The following CCSER1 variants were observed in gnomAD, a reference collection of about 807,000 sequenced individuals.
The protein encoded by CCSER1 is coiled-coil serine rich protein 1.
CCSER1 carries 41 observed loss-of-function variants against 82.0 expected under a neutral mutation model. The ratio of observed to expected loss-of-function variants is 0.50; its 90% CI spans 0.39 to 0.65. The LOEUF is 0.65. Among genes scored for constraint, CCSER1 ranks in the 30% least tolerant of loss-of-function variants. The pLI is 0.00. For synonymous variants in CCSER1, 414 were observed against 383.9 expected (o/e 1.08, Z -0.92); for missense variants, 1,119 against 1,064.2 (o/e 1.05, Z -0.72).
intron 4 of CCSER1, among the ~76,000 whole-genome samples, chr4:90,467,323 G>T (rs1455048762): frequency 6.6e-6 from 1 of 152,022 alleles, no homozygotes; most frequent in Non-Finnish European, 1.5e-5. Context: ...GGCAGAGGTT[G>T]TGTTGAGCTG....
At chr4:91,591,372 G>T (rs1764263688) in intron 10 of CCSER1, among the ~76,000 whole-genome samples, 1 of 151,852 alleles carries the variant, frequency 6.6e-6, no homozygotes, top group African/African-American at 2.4e-5. Flanking sequence ...TCACAGCATT[G>T]CATGTTTCTA....
chr4:90,596,115 T>TG (rs1783300913), intron 5 of CCSER1, among the ~76,000 whole-genome samples: 1 of 151,924 alleles, frequency 6.6e-6, no homozygotes, highest in African/African-American at 2.4e-5. Flanking sequence ...ATTTTGAATA[T>TG]CGCTTAGGTA....
chr4:91,091,106 A>G (rs1373523243), intron 10 of CCSER1, among the ~76,000 whole-genome samples: 1 of 152,194 alleles, frequency 6.6e-6, no homozygotes, highest in Non-Finnish European at 1.5e-5. Flanking sequence ...TCGGTCATGT[A>G]TCTTTTTTCC....
At chr4:90,270,276 G>T (rs1205140631) in intron 1 of CCSER1, among the ~76,000 whole-genome samples, 1 of 152,012 alleles carries the variant, frequency 6.6e-6, no homozygotes, top group Non-Finnish European at 1.5e-5. Flanking sequence ...ACAAATACTA[G>T]CAAACTGAAT....
intron 3 of CCSER1, among the ~76,000 whole-genome samples, chr4:90,375,004 C>T (rs1489332195): frequency 6.6e-6 from 1 of 152,172 alleles, no homozygotes; most frequent in East Asian, 1.9e-4. Flanking sequence ...AATTCTCACT[C>T]TACTCCCTTC....
chr4:90,284,228 T>G (rs1166206418), intron 1 of CCSER1, among the ~76,000 whole-genome samples: 1 of 152,146 alleles, frequency 6.6e-6, no homozygotes, highest in Admixed American at 6.6e-5. Flanking sequence ...TATTAGTCCC[T>G]TGTCATATGG....
chr4:91,453,832 A>G (rs1268836199), intron 10 of CCSER1, among the ~76,000 whole-genome samples: 1 of 152,086 alleles, frequency 6.6e-6, no homozygotes, highest in Non-Finnish European at 1.5e-5. Flanking sequence ...ACATATTTTC[A>G]TCTGGTGATA....
chr4:90,196,654 G>GAGACACACACACACAC (rs1736671884), intron 1 of CCSER1, among the ~76,000 whole-genome samples: 1 of 25,878 alleles, frequency 3.9e-5, no homozygotes, highest in Non-Finnish European at 6.6e-5. Context: ...TTCCTGCTCA[G>GAGACACACACACACAC]ATACACACAC....
chr4:90,908,474 T>G (rs982621133), intron 8 of CCSER1, among the ~76,000 whole-genome samples: 38 of 152,146 alleles, frequency 2.5e-4, no homozygotes, highest in African/African-American at 8.7e-4. Flanking sequence ...TTAATTTTTA[T>G]TATATAAACC....
intron 9 of CCSER1, among the ~76,000 whole-genome samples, chr4:91,070,488 C>T (rs1721315602): frequency 6.6e-6 from 1 of 152,164 alleles, no homozygotes; most frequent in Non-Finnish European, 1.5e-5. Flanking sequence ...GGGTCCCTAA[C>T]CCCCAGGCCA....
intron 7 of CCSER1, among the ~76,000 whole-genome samples, chr4:90,752,293 C>A (rs1448970442): frequency 3.3e-5 from 5 of 152,070 alleles, no homozygotes; most frequent in African/African-American, 9.7e-5. Flanking sequence ...TGCTATGCTA[C>A]TTCTCTAATA....
At chr4:91,457,371 T>C (rs1336363074) in intron 10 of CCSER1, among the ~76,000 whole-genome samples, 3 of 152,074 alleles carry the variant, frequency 2.0e-5, no homozygotes, top group Non-Finnish European at 2.9e-5. Context: ...GACATTTTCT[T>C]TAAAATTTTA....
At chr4:91,187,563 A>AT (rs1734665330) in intron 10 of CCSER1, among the ~76,000 whole-genome samples, 1 of 149,246 alleles carries the variant, frequency 6.7e-6, no homozygotes, top group Non-Finnish European at 1.5e-5. Flanking sequence ...TTAATTTTTT[A>AT]TTTTTGAGAC....
chr4:91,431,207 G>C (rs1754287065), intron 10 of CCSER1, among the ~76,000 whole-genome samples: 1 of 152,172 alleles, frequency 6.6e-6, no homozygotes, highest in Non-Finnish European at 1.5e-5. Flanking sequence ...ATGCACTCCA[G>C]TCTGGGCAAC....
At chr4:90,719,282 T>C (rs1446633768) in intron 6 of CCSER1, among the ~76,000 whole-genome samples, 2 of 152,082 alleles carry the variant, frequency 1.3e-5, no homozygotes, top group African/African-American at 4.8e-5. Flanking sequence ...TTCTAATGCC[T>C]GATGCTGTGT....
intron 8 of CCSER1, among the ~76,000 whole-genome samples, chr4:90,913,479 C>T (rs943353002): frequency 3.3e-5 from 5 of 152,114 alleles, no homozygotes; most frequent in African/African-American, 1.2e-4. Flanking sequence ...CCTACGAGAG[C>T]TCCTGAAAGA....
At chr4:90,868,870 A>G (rs144080767) in intron 8 of CCSER1, among the ~76,000 whole-genome samples, 1 of 152,036 alleles carries the variant, frequency 6.6e-6, no homozygotes, top group East Asian at 1.9e-4. Flanking sequence ...AGCATTTGTT[A>G]TTGCCTGTCT....
At chr4:90,941,871 A>C (rs1731630584) in intron 9 of CCSER1, among the ~76,000 whole-genome samples, 1 of 152,192 alleles carries the variant, frequency 6.6e-6, no homozygotes, top group South Asian at 2.1e-4. Context: ...GGGGAAAGAC[A>C]AGCTATTCTT....
intron 1 of CCSER1, among the ~76,000 whole-genome samples, chr4:90,294,833 G>A (rs1024839388): frequency 6.6e-6 from 1 of 151,672 alleles, no homozygotes; most frequent in African/African-American, 2.4e-5. Context: ...ATGCTTTGAA[G>A]TACATCCTTC....
Sources: allele counts gnomAD v4.1 joint callset (sites outside exome capture counted in the v4.1 genomes callset), GRCh38; gene constraint gnomAD v4.1.1; transcripts MANE v1.5; gene names NCBI Gene and HGNC (gene_info 2026-07-23, HGNC 2026-07-21).